Variants in ARID1A observed in about 807,000 individuals in gnomAD.
The protein encoded by ARID1A is AT-rich interactive domain-containing protein 1A.
ARID1A carries 20 observed loss-of-function variants against 212.6 expected under a neutral mutation model. That is an observed-to-expected ratio of 0.09 (90% CI 0.07 to 0.14). ARID1A has a LOEUF of 0.14. Among genes scored for constraint, ARID1A ranks in the 10% least tolerant of loss-of-function variants. The pLI is 1.00. For missense variants in ARID1A, 2,587 were observed against 3,059.0 expected (o/e 0.85, Z 3.64); for synonymous variants, 1,376 against 1,222.1 (o/e 1.13, Z -2.63).
chr1:26,724,031 T>C (rs1237579729), intron 1 of ARID1A, among the ~76,000 whole-genome samples: 1 of 152,166 alleles, frequency 6.6e-6, no homozygotes, highest in Non-Finnish European at 1.5e-5. Flanking sequence ...GGTTAATTAC[T>C]GTGGGAATCA....
rs2124137089 is a variant in ARID1A at position 26,779,109 on chromosome 1, T to C, written c.5211T>C (p.Gly1737=). ...GCATTTTAAAGGAGTATGAGGTGGGTGACCCAGGACAGAGAACGCTACTGG... is the reference window on the plus strand; with the variant it reads ...GCATTTTAAAGGAGTATGAGGTGGGCGACCCAGGACAGAGAACGCTACTGG... The part of the protein sequence containing the change: ...IFGILKEYEV[G]DPGQRTLLDP... The change falls in exon 20 of 20, where the codon GGT becomes GGC. Residue 1737 remains glycine, a synonymous_variant. Coordinates refer to ENST00000324856, the MANE Select transcript of ARID1A (RefSeq NM_006015.6). 6.5e-7 allele frequency: 1 copy of C among 1,544,444 alleles called. No individual in the cohort carries two copies. Among genetic ancestry groups the C allele is most frequent in the Non-Finnish European group, 8.7e-7 (1 of 1,145,100 alleles).
At chr1:26,757,631 G>T (rs548769673) in intron 4 of ARID1A, among the ~76,000 whole-genome samples, 1 of 151,868 alleles carries the variant, frequency 6.6e-6, no homozygotes. Context: ...TCATGAGAAT[G>T]TTCATGTTTT....
At chr1:26,751,857 C>G (rs926616125) in intron 4 of ARID1A, among the ~76,000 whole-genome samples, 1 of 152,206 alleles carries the variant, frequency 6.6e-6, no homozygotes, top group Non-Finnish European at 1.5e-5. Flanking sequence ...CTTAACCCTT[C>G]TCTCCTGTGT....
Position 26,696,513 on chromosome 1 carries a change from G to T in ARID1A, c.110G>T (p.Gly37Val). Residue 37 changes from glycine to valine, a missense_variant, in exon 1 of 20, where the codon GGC (glycine) becomes GTC (valine). Physicochemically the swap from Gly to Val is moderately radical, Grantham distance 109. This residue lies in a region of ARID1A where 735 missense variants were observed against 590.6 expected (regional missense o/e 1.24). Transcript: ENST00000324856. ...AEQQQREEAG[G>V]EAAAAAAAER... is the part of the protein sequence containing the mutation. ...CAGCAGCAGCGGGAGGAGGCGGGGG[G>T]CGAGGCGGCGGCGGCGGCAGCGGCC... 1 of 1,228,668 alleles carries T rather than the reference G, an allele frequency of 8.1e-7. No homozygotes were observed. Among genetic ancestry groups the T allele is most frequent in the Non-Finnish European group, 1.0e-6 (1 of 987,746 alleles). The allele number at this position is 1,228,668 out of a possible 1,614,324, so 76.1% of individuals were successfully genotyped here. A position where few individuals can be genotyped will look rare whatever the true frequency, so the allele number is the denominator to read the frequency against.
intron 4 of ARID1A, among the ~76,000 whole-genome samples, chr1:26,760,392 A>T (rs2080979488): frequency 6.6e-6 from 1 of 152,232 alleles, no homozygotes; most frequent in Non-Finnish European, 1.5e-5. Context: ...TGTAAGTTAT[A>T]GTATGATGAC....
intron 1 of ARID1A, among the ~76,000 whole-genome samples, chr1:26,717,706 A>G (rs966413036): frequency 6.6e-6 from 1 of 152,220 alleles, no homozygotes; most frequent in Non-Finnish European, 1.5e-5. Context: ...TAAATAAGTG[A>G]ATCATATATA....
intron 1 of ARID1A, chr1:26,729,038 C>T (rs1212030754): frequency 6.6e-6 from 1 of 151,320 alleles, no homozygotes; most frequent in East Asian, 1.9e-4. Context: ...AAGTTCTGTT[C>T]TTCTTATATC....
intron 11 of ARID1A, chr1:26,769,885 CTG>C (rs897110120): frequency 2.6e-5 from 4 of 152,356 alleles, no homozygotes; most frequent in African/African-American, 9.7e-5. Flanking sequence ...GGAGGCAGAA[CTG>C]TAGGTTGGCT....
intron 4 of ARID1A, among the ~76,000 whole-genome samples, chr1:26,755,620 G>A (rs2080921798): frequency 6.6e-6 from 1 of 152,174 alleles, no homozygotes; most frequent in Admixed American, 6.5e-5. Flanking sequence ...GGATCCCTCA[G>A]GTGGACCAGG....
intron 1 of ARID1A, among the ~76,000 whole-genome samples, chr1:26,725,831 G>T (rs938877268): frequency 1.0e-4 from 15 of 149,438 alleles, no homozygotes; most frequent in Non-Finnish European, 1.6e-4. Flanking sequence ...CTGCAGTTCT[G>T]AAATTCTCTC....
intron 4 of ARID1A, among the ~76,000 whole-genome samples, chr1:26,743,072 C>T (rs2080803153): frequency 6.6e-6 from 1 of 152,156 alleles, no homozygotes; most frequent in Non-Finnish European, 1.5e-5. Context: ...GGGAGACCAC[C>T]ACCAGTTGTT....
intron 1 of ARID1A, among the ~76,000 whole-genome samples, chr1:26,716,592 G>T (rs2080505519): frequency 6.6e-6 from 1 of 152,088 alleles, no homozygotes; most frequent in Non-Finnish European, 1.5e-5. Flanking sequence ...TGCTGGGCTA[G>T]AGTTCATTGT....
chr1:26,759,225 T>C (rs1218264728), intron 4 of ARID1A, among the ~76,000 whole-genome samples: 5 of 152,146 alleles, frequency 3.3e-5, no homozygotes, highest in African/African-American at 9.7e-5. Flanking sequence ...GTTTTTGAGA[T>C]GGTGTTTTGC....
intron 4 of ARID1A, among the ~76,000 whole-genome samples, chr1:26,743,322 G>T (rs919962129): frequency 6.6e-6 from 1 of 152,088 alleles, no homozygotes; most frequent in Non-Finnish European, 1.5e-5. Context: ...CTCTCTCTGA[G>T]ACTTCTTCCC....
intron 2 of ARID1A, among the ~76,000 whole-genome samples, chr1:26,730,618 T>C (rs1244460852): frequency 6.6e-6 from 1 of 152,214 alleles, no homozygotes; most frequent in Non-Finnish European, 1.5e-5. Flanking sequence ...TTACTAAATA[T>C]ATCCCCAGTG....
Position 26,696,375 on chromosome 1 carries a change from G to A in ARID1A, c.-29G>A. On this transcript the variant is annotated 5_prime_UTR_variant, in exon 1 of 20. Transcript: ENST00000324856. ...GGGGAGAAGACGAAGACAGGGCCGG[G>A]TCTCTCCGCGGACGAGACAGCGGGG... is the stretch of plus-strand genomic sequence containing the variant. The A allele has an allele frequency of 8.1e-7, 1 of 1,239,558 alleles. No homozygotes were observed. Among genetic ancestry groups the A allele is most frequent in the Non-Finnish European group, 1.0e-6 (1 of 990,720 alleles). 76.8% of individuals were successfully genotyped at this position (1,239,558 alleles called of 1,614,324 possible).
intron 4 of ARID1A, among the ~76,000 whole-genome samples, chr1:26,751,574 A>T (rs988473230): frequency 7.9e-5 from 12 of 152,182 alleles, no homozygotes; most frequent in Non-Finnish European, 1.5e-4. Flanking sequence ...CTTCTTTGTT[A>T]AAATGGGGGT....
chr1:26,708,340 A>C (rs1233524808), intron 1 of ARID1A, among the ~76,000 whole-genome samples: 1 of 115,688 alleles, frequency 8.6e-6, no homozygotes, highest in Non-Finnish European at 1.6e-5. Context: ...GCTGGATTGC[A>C]GTGGCGTGAT....
chr1:26,773,883 TCAACAG>T lies in ARID1A; in HGVS notation c.4095_4100del (p.Gln1366_Gln1367del). On this transcript the variant is annotated inframe_deletion, in exon 17 of 20. Transcript: ENST00000324856. ...TCCCCAGCCAGCAGACTACAATGTA[TCAACAG>T]CAACAGCAGGTGAGGAGGGTAGCTG... The T allele has an allele frequency of 6.2e-7, 1 of 1,614,068 alleles. No individual in the cohort carries two copies. The highest frequency in any genetic ancestry group is 8.5e-7 in the Non-Finnish European group (1 of 1,179,986).
Sources: gnomAD v4.1 joint callset for allele counts (sites outside exome capture counted in the v4.1 genomes callset) on GRCh38, gnomAD v4.1.1 for gene constraint, gnomAD v4.1.1 regional missense constraint, MANE v1.5 for transcripts, NCBI Gene and HGNC (gene_info 2026-07-23, HGNC 2026-07-21) for gene names.